Variants in RYK observed in about 807,000 individuals in gnomAD.
The protein encoded by RYK is receptor like tyrosine kinase, also known as inactive tyrosine-protein kinase RYK.
In RYK, 21 loss-of-function variants were observed where a neutral mutation model predicts 70.2. That is an observed-to-expected ratio of 0.30 (90% CI 0.21 to 0.43). The LOEUF is 0.43. RYK is among the 20% of genes least tolerant of loss of function. The pLI is 1.00. For synonymous variants in RYK, 267 were observed against 278.0 expected (o/e 0.96, Z 0.39); for missense variants, 604 against 753.3 (o/e 0.80, Z 2.32).
At chr3:134,224,594 C>T (rs2014842634) in intron 1 of RYK, among the ~76,000 whole-genome samples, 1 of 152,058 alleles carries the variant, frequency 6.6e-6, no homozygotes, top group African/African-American at 2.4e-5. Context: ...TCTTCTCTAA[C>T]TCCCCCGGGG....
In RYK at chr3:134,169,760, C is replaced by T. The variant is rs535667839; in HGVS notation, c.1575+5849G>A. 3.3e-5 allele frequency among the ~76,000 whole-genome samples: 5 copies of T among 152,030 alleles called. No homozygotes were observed. In the South Asian group the frequency reaches 6.2e-4, roughly 19 times the overall value. On this transcript the variant is annotated intron_variant, in intron 13 of 14. Transcript: ENST00000623711. ...AAATGTTAAGGATGTCTTAAAGGAC[C>T]GAGAAAATGTTCCCTCCAAGGCAGC...
intron 7 of RYK, among the ~76,000 whole-genome samples, chr3:134,194,667 T>C (rs146003606): frequency 2.8e-3 from 431 of 152,318 alleles, no homozygotes; most frequent in African/African-American, 9.9e-3. Context: ...CCTATTATGA[T>C]TAAAAAACAA....
At chr3:134,168,640 G>A (rs2012780983) in intron 13 of RYK, among the ~76,000 whole-genome samples, 1 of 133,230 alleles carries the variant, frequency 7.5e-6, no homozygotes, top group Non-Finnish European at 1.6e-5. Context: ...GGATGGGGGA[G>A]GGATAGCATT....
At chr3:134,194,694 TG>T (rs2013758304) in intron 7 of RYK, among the ~76,000 whole-genome samples, 1 of 152,252 alleles carries the variant, frequency 6.6e-6, no homozygotes, top group Non-Finnish European at 1.5e-5. Context: ...GTCTTCACCA[TG>T]GCCCATAAGA....
rs1238633525 is a variant in RYK, at chr3:134,157,237, A to T, written c.*916T>A. ...AAATTTACCAGTTTACATTTAAAAA[A>T]CAAACAAAAAACGACAACAACTCAA... is the stretch of plus-strand genomic sequence containing the variant. On this transcript the variant is annotated 3_prime_UTR_variant, in exon 15 of 15. Transcript: ENST00000623711. 1 of 152,698 alleles carries T rather than the reference A, an allele frequency of 6.5e-6. No individual in the cohort carries two copies. The highest frequency in any genetic ancestry group is 2.4e-5 in the African/African-American group (1 of 41,478). The allele number at this position is 152,698 out of a possible 1,614,324, so 9.5% of individuals were successfully genotyped here.
chr3:134,174,751 G>A (rs1038702993), intron 13 of RYK, among the ~76,000 whole-genome samples: 5 of 151,958 alleles, frequency 3.3e-5, no homozygotes, highest in African/African-American at 1.2e-4. Context: ...ACAAGTGAAC[G>A]TGGCTTCTGA....
chr3:134,192,188 A>G (rs2013663880), intron 7 of RYK, among the ~76,000 whole-genome samples: 3 of 152,150 alleles, frequency 2.0e-5, no homozygotes, highest in Admixed American at 6.5e-5. Flanking sequence ...ACTACTCCAA[A>G]ATGTTAAAAT....
At chr3:134,158,961 A>G (rs2012349736) in intron 14 of RYK, among the ~76,000 whole-genome samples, 1 of 152,232 alleles carries the variant, frequency 6.6e-6, no homozygotes, top group Non-Finnish European at 1.5e-5. Context: ...TAACTGACGT[A>G]GCATTCAATT....
chr3:134,216,481 G>T (rs144985204), intron 2 of RYK, among the ~76,000 whole-genome samples: 48 of 152,078 alleles, frequency 3.2e-4, no homozygotes, highest in Non-Finnish European at 6.8e-4. Flanking sequence ...GCAAATTTTC[G>T]CTTTTCAGAT....
chr3:134,248,216 ACTAGAAGTCT>A (rs2015517727), intron 1 of RYK, among the ~76,000 whole-genome samples: 1 of 152,162 alleles, frequency 6.6e-6, no homozygotes, highest in Admixed American at 6.5e-5. Context: ...AGAAAATACT[ACTAGAAGTCT>A]CTCTCGCCCC....
At position 134,249,917 on chromosome 3, in the gene RYK, GT is replaced by G. The variant is rs71624038; in HGVS notation, c.232+505del. On this transcript the variant is annotated intron_variant, in intron 1 of 14. Coordinates refer to ENST00000623711, the MANE Select transcript of RYK (RefSeq NM_002958.4). ...TATAACCTCCCCTTCTTTCTCTCTCGTTTTTTTTTTTTTTTTTTTTTTTTTT... is the reference window on the plus strand; with the variant it reads ...TATAACCTCCCCTTCTTTCTCTCTCGTTTTTTTTTTTTTTTTTTTTTTTTT... Among the ~76,000 whole-genome samples, 543 of 93,322 alleles carry G rather than the reference GT, an allele frequency of 5.8e-3. 10 individuals carry two copies. The highest frequency in any genetic ancestry group is 0.025 in the African/African-American group (478 of 18,890). The allele number at this position is 93,322 out of a possible 152,430, so 61.2% of individuals were successfully genotyped here.
At chr3:134,192,460 AGTTATTTTTGTTTGAAAAGG>A in intron 7 of RYK, among the ~76,000 whole-genome samples, 1 of 148,110 alleles carries the variant, frequency 6.8e-6, no homozygotes, top group South Asian at 2.1e-4. Flanking sequence ...TCAAACAGAA[AGTTATTTTTGTTTGAAAAGG>A]CTTTTTTCAA....
At chr3:134,244,230 A>G (rs944438136) in intron 1 of RYK, among the ~76,000 whole-genome samples, 12 of 152,188 alleles carry the variant, frequency 7.9e-5, no homozygotes, top group African/African-American at 2.9e-4. Flanking sequence ...TGTTCTTCCC[A>G]AGCTTCTGGC....
At chr3:134,219,053 C>A (rs2014651212) in intron 2 of RYK, among the ~76,000 whole-genome samples, 1 of 152,116 alleles carries the variant, frequency 6.6e-6, no homozygotes, top group Admixed American at 6.5e-5. Flanking sequence ...CAAATGTGCA[C>A]TAATAATATT....
At chr3:134,222,653 C>A (rs776948857) in intron 1 of RYK, 114 bp from the exon 2 acceptor site, 8 of 917,910 alleles carry the variant, frequency 8.7e-6, no homozygotes, top group Non-Finnish European at 1.3e-5. Flanking sequence ...AAATGAACAT[C>A]ACAAATGGCC....
chr3:134,213,389 C>A (rs537901453), intron 2 of RYK, among the ~76,000 whole-genome samples: 81 of 152,250 alleles, frequency 5.3e-4, no homozygotes, highest in African/African-American at 1.9e-3. Flanking sequence ...TACTGTTAGC[C>A]TGGCACAAGT....
intron 13 of RYK, among the ~76,000 whole-genome samples, chr3:134,161,385 G>A (rs902633600): frequency 5.3e-5 from 8 of 152,176 alleles, no homozygotes; most frequent in Non-Finnish European, 1.2e-4. Context: ...ATTGTAGGAT[G>A]TTTAGCATTC....
Position 134,188,833 on chromosome 3 carries a change from C to A in RYK, c.1102+4G>T, listed in dbSNP as rs1307986843. The stretch of plus-strand genomic sequence containing the variant: ...ATGGAAATACTATGGAAAAAAGATC[C>A]TACCTTTAACTGTTTTGACAAATGC... On this transcript the variant is annotated splice_donor_region_variant and intron_variant, in intron 9 of 14. Coordinates refer to ENST00000623711, the MANE Select transcript of RYK (RefSeq NM_002958.4). 2 of 1,517,936 alleles carry A rather than the reference C, an allele frequency of 1.3e-6. No homozygotes were observed. Among genetic ancestry groups the A allele is most frequent in the Non-Finnish European group, 9.1e-7 (1 of 1,102,698 alleles). The allele number at this position is 1,517,936 out of a possible 1,614,324, so 94.0% of individuals were successfully genotyped here.
At chr3:134,166,201 G>A (rs2108142906) in intron 13 of RYK, among the ~76,000 whole-genome samples, 1 of 152,246 alleles carries the variant, frequency 6.6e-6, no homozygotes, top group Middle Eastern at 3.4e-3. Flanking sequence ...TGAGAGTGCA[G>A]CCCTCATAAA....
Sources: gnomAD v4.1 joint callset for allele counts (sites outside exome capture counted in the v4.1 genomes callset) on GRCh38, gnomAD v4.1.1 for gene constraint, MANE v1.5 for transcripts, NCBI Gene and HGNC (gene_info 2026-07-23, HGNC 2026-07-21) for gene names.